The following PRRC2C variants were observed in gnomAD, a reference collection of about 807,000 sequenced individuals.
The protein encoded by PRRC2C is protein PRRC2C.
A neutral mutation model predicts 317.2 loss-of-function variants in PRRC2C; 72 were observed. The observed-to-expected ratio is 0.23, with a 90% confidence interval of 0.19 to 0.28. The LOEUF (loss-of-function observed/expected upper bound fraction) is 0.28, where lower values mean the gene tolerates loss of function less well. PRRC2C is among the 10% of genes least tolerant of loss of function. The probability of loss-of-function intolerance (pLI) is 1.00; values close to 1 mark genes in which losing one functional copy is unlikely to be tolerated. For synonymous variants in PRRC2C, 1,296 were observed against 1,205.9 expected (o/e 1.07, Z -1.55); for missense variants, 3,074 against 3,459.7 (o/e 0.89, Z 2.80).
intron 23 of PRRC2C, among the ~76,000 whole-genome samples, chr1:171,570,742 G>T (rs1684647943): frequency 6.6e-6 from 1 of 152,144 alleles, no homozygotes; most frequent in Non-Finnish European, 1.5e-5. Flanking sequence ...TTCTTCCCAA[G>T]ATTACTTTTG....
intron 29 of PRRC2C, 35 bp from the exon 30 acceptor site, chr1:171,584,384 G>A (rs1350636083): frequency 6.6e-7 from 1 of 1,515,632 alleles, no homozygotes; most frequent in Admixed American, 2.3e-5. Context: ...ATTTTTTTCA[G>A]TCTTACTCAT....
intron 23 of PRRC2C, 40 bp from the exon 24 acceptor site, chr1:171,571,280 C>T: frequency 8.2e-7 from 1 of 1,217,276 alleles, no homozygotes; most frequent in Non-Finnish European, 1.2e-6. Context: ...TCGTAGTAGA[C>T]ACATAGTTAG....
intron 19 of PRRC2C, 84 bp downstream of exon 19, chr1:171,558,227 A>T: frequency 7.2e-7 from 1 of 1,384,346 alleles, no homozygotes; most frequent in African/African-American, 1.5e-5. Flanking sequence ...ATACTCTTTA[A>T]GTGTTTTCTA....
chr1:171,505,279 C>T (rs543057446), intron 1 of PRRC2C, among the ~76,000 whole-genome samples: 2 of 152,308 alleles, frequency 1.3e-5, no homozygotes, highest in African/African-American at 2.4e-5. Context: ...CCACCTGCCT[C>T]GGCCTCCCAA....
chr1:171,553,895 T>G (rs900490034), intron 18 of PRRC2C, among the ~76,000 whole-genome samples: 10 of 152,210 alleles, frequency 6.6e-5, no homozygotes, highest in Non-Finnish European at 1.2e-4. Flanking sequence ...AACTATTTGG[T>G]CAGTTTTGGA....
rs182353672 is a variant in PRRC2C at position 171,543,432 on chromosome 1, G to A, written c.4763+1203G>A. Among the ~76,000 whole-genome samples the A allele has an allele frequency of 3.2e-4, 49 of 152,068 alleles. 2 individuals are homozygous for A. In the East Asian group the frequency reaches 8.7e-3, roughly 27 times the overall value. ...TTCAGAATGCCTAGGTTCAAATCTC[G>A]GCTCTAGTACTTTCTAGTTGCTTCC... On this transcript the variant is annotated intron_variant, in intron 16 of 34. Transcript: ENST00000647382.
intron 4 of PRRC2C, among the ~76,000 whole-genome samples, chr1:171,515,478 C>A (rs541502191): frequency 1.3e-5 from 2 of 152,278 alleles, no homozygotes; most frequent in African/African-American, 4.8e-5. Flanking sequence ...AAGCTCTTCA[C>A]TTGCATGGTC....
intron 6 of PRRC2C, among the ~76,000 whole-genome samples, chr1:171,520,911 T>G (rs927601927): frequency 5.3e-5 from 8 of 151,732 alleles, no homozygotes; most frequent in African/African-American, 1.9e-4. Flanking sequence ...TTCAAGTGAT[T>G]GTTGTGTCTC....
chr1:171,575,032 G>T lies in PRRC2C; in HGVS notation c.6859G>T (p.Ala2287Ser). Residue 2287 changes from alanine (A) to serine (S), a missense_variant, in exon 25 of 35, where the codon GCC (alanine) becomes TCC (serine). This residue lies in a region of PRRC2C where 490 missense variants were observed against 663.1 expected (regional missense o/e 0.74). Transcript: ENST00000647382. ...PPIATGVSSS[A>S]SGPSTANYNS... ...AATTGCAACTGGAGTCAGCAGTAGT[G>T]CCAGTGGACCAAGCACTGCTAATTA... The T allele has an allele frequency of 6.2e-7, 1 of 1,613,832 alleles. No individual in the cohort carries two copies. Among genetic ancestry groups the T allele is most frequent in the Non-Finnish European group, 8.5e-7 (1 of 1,179,848 alleles).
intron 1 of PRRC2C, among the ~76,000 whole-genome samples, chr1:171,496,135 G>A (rs377330081): frequency 2.7e-5 from 4 of 149,284 alleles, no homozygotes; most frequent in East Asian, 3.9e-4. Context: ...ATGTCAGGGG[G>A]GCACCCATCA....
At chr1:171,507,978 A>T (rs1033732196) in intron 1 of PRRC2C, among the ~76,000 whole-genome samples, 1 of 152,038 alleles carries the variant, frequency 6.6e-6, no homozygotes, top group African/African-American at 2.4e-5. Context: ...AATGCAACTG[A>T]TTTTTTGTAT....
chr1:171,496,881 A>G (rs1385778633), intron 1 of PRRC2C, among the ~76,000 whole-genome samples: 1 of 151,374 alleles, frequency 6.6e-6, no homozygotes, highest in African/African-American at 2.4e-5. Context: ...GGCTCACTGT[A>G]GCCTCAACCT....
chr1:171,491,753 TTAAA>T (rs1214439818), intron 1 of PRRC2C, among the ~76,000 whole-genome samples: 1 of 152,180 alleles, frequency 6.6e-6, no homozygotes, highest in African/African-American at 2.4e-5. Flanking sequence ...AGAAACTATA[TTAAA>T]TATCATAGTT....
At chr1:171,583,928 C>G in intron 28 of PRRC2C, 28 bp from the exon 29 acceptor site, 1 of 1,562,746 alleles carries the variant, frequency 6.4e-7, no homozygotes, top group Non-Finnish European at 8.8e-7. Context: ...TAACTTCTAA[C>G]AATATTTTCT....
rs778092100 is a variant in PRRC2C, at chr1:171,524,788, C to T, written c.1056-33C>T. 6 of 1,515,264 alleles carry T rather than the reference C, an allele frequency of 4.0e-6. 1 individual carries two copies. The South Asian group carries it at 7.8e-5, about 20-fold the overall frequency. The allele number at this position is 1,515,264 out of a possible 1,614,324, so 93.9% of individuals were successfully genotyped here. A position where few individuals can be genotyped will look rare whatever the true frequency, so the allele number is the denominator to read the frequency against. ...TGTGTGTACTTATGATACAGTTGGT[C>T]CACTTTATTTCTTCTGCATTTTGAT... On this transcript the variant is annotated intron_variant, in intron 9 of 34. Coordinates refer to ENST00000647382, the MANE Select transcript of PRRC2C (RefSeq NM_001387844.1).
intron 18 of PRRC2C, 108 bp downstream of exon 18, chr1:171,550,348 A>T (rs235470): frequency 5.0e-6 from 5 of 991,154 alleles, no homozygotes; most frequent in African/African-American, 4.9e-5. Flanking sequence ...TCATTATTCA[A>T]GTGTTAAAAG....
chr1:171,562,014 A>T (rs942733362), intron 20 of PRRC2C, among the ~76,000 whole-genome samples: 1 of 152,180 alleles, frequency 6.6e-6, no homozygotes, highest in African/African-American at 2.4e-5. Flanking sequence ...ATAAAAAAAC[A>T]TCGTGATCAG....
Position 171,558,048 on chromosome 1 carries a change from C to T in PRRC2C, c.5936C>T (p.Ser1979Phe). Residue 1979 changes from serine (S) to phenylalanine (F), a missense_variant, in exon 19 of 35, where the codon TCC (serine) becomes TTC (phenylalanine). This residue lies in a region of PRRC2C where 640 missense variants were observed against 676.1 expected (regional missense o/e 0.95). Coordinates refer to ENST00000647382, the MANE Select transcript of PRRC2C (RefSeq NM_001387844.1). ...NGTDYVASGK[S>F]IQTPQSHGTL... The stretch of plus-strand genomic sequence containing the variant: ...ACAGATTATGTAGCCTCAGGAAAAT[C>T]CATCCAGACCCCACAGTCACATGGC... 6.2e-7 allele frequency: 1 copy of T among 1,613,996 alleles called. No homozygotes were observed. The highest frequency in any genetic ancestry group is 8.5e-7 in the Non-Finnish European group (1 of 1,179,900).
chr1:171,511,376 G>A (rs914136926), intron 1 of PRRC2C: 1 of 152,086 alleles, frequency 6.6e-6, no homozygotes, highest in Non-Finnish European at 1.5e-5. Flanking sequence ...GTATTTGAAT[G>A]CTTATGAAAA....
Sources: gnomAD v4.1 joint callset for allele counts (sites outside exome capture counted in the v4.1 genomes callset) on GRCh38, gnomAD v4.1.1 for gene constraint, gnomAD v4.1.1 regional missense constraint, MANE v1.5 for transcripts, NCBI Gene and HGNC (gene_info 2026-07-23, HGNC 2026-07-21) for gene names.